The following ZNF469 variants were observed in gnomAD, a reference collection of about 807,000 sequenced individuals.
The protein encoded by ZNF469 is zinc finger protein 469.
In ZNF469, 1 loss-of-function variant was observed where a neutral mutation model predicts 1.0. That is an observed-to-expected ratio of 1.00 (90% CI 0.35 to 4.73). The LOEUF (loss-of-function observed/expected upper bound fraction) is 4.73. ZNF469 is among the 30% of genes most tolerant of loss of function. The pLI, the probability that ZNF469 is intolerant of heterozygous loss-of-function variation, is 0.16. For synonymous variants in ZNF469, 2,703 were observed against 2,363.4 expected (o/e 1.14, Z -4.17); for missense variants, 6,100 against 5,356.3 (o/e 1.14, Z -4.33).
chr16:88,320,466 C>T, the ZNF469 span, among the ~76,000 whole-genome samples: 1 of 152,212 alleles, frequency 6.6e-6, no homozygotes, highest in African/African-American at 2.4e-5. Context: ...TCACTGCAAC[C>T]TCTGCCTCAC....
the ZNF469 span, among the ~76,000 whole-genome samples, chr16:88,335,360 G>A: frequency 6.6e-6 from 1 of 152,242 alleles, no homozygotes; most frequent in Non-Finnish European, 1.5e-5. Flanking sequence ...TCCACATGGT[G>A]TGGATGAGGG....
the ZNF469 span, among the ~76,000 whole-genome samples, chr16:88,370,882 G>C: frequency 4.3e-3 from 648 of 152,346 alleles, 1 homozygote; most frequent in African/African-American, 0.014. Context: ...TTTGCTCATG[G>C]GGGTTACGCT....
the ZNF469 span, among the ~76,000 whole-genome samples, chr16:88,368,025 A>C: frequency 2.2e-4 from 34 of 152,340 alleles, no homozygotes; most frequent in South Asian, 4.2e-4. Flanking sequence ...TCCTCCCTAC[A>C]CAGGATGAGA....
At chr16:88,190,868 A>G in the ZNF469 span, among the ~76,000 whole-genome samples, 2 of 152,138 alleles carry the variant, frequency 1.3e-5, no homozygotes, top group Non-Finnish European at 2.9e-5. Flanking sequence ...AGAACAATAG[A>G]TGTTCATCAT....
the ZNF469 span, among the ~76,000 whole-genome samples, chr16:88,164,430 T>A: frequency 2.6e-5 from 4 of 151,700 alleles, no homozygotes; most frequent in Admixed American, 6.6e-5. Flanking sequence ...TATAAGTGGG[T>A]AAGTGGATGA....
chr16:88,233,315 T>G, the ZNF469 span, among the ~76,000 whole-genome samples: 2 of 152,202 alleles, frequency 1.3e-5, no homozygotes, highest in African/African-American at 4.8e-5. Flanking sequence ...ATCGCCAACC[T>G]TCAGCACTGG....
chr16:88,211,534 G>A, the ZNF469 span, among the ~76,000 whole-genome samples: 1 of 151,946 alleles, frequency 6.6e-6, no homozygotes, highest in Non-Finnish European at 1.5e-5. Context: ...TATAGACCCT[G>A]GGTCCTGTAA....
chr16:88,338,045 C>T, the ZNF469 span, among the ~76,000 whole-genome samples: 5 of 152,204 alleles, frequency 3.3e-5, no homozygotes, highest in South Asian at 2.1e-4. Context: ...GACACATCTA[C>T]GAAAAGTGCT....
At chr16:88,336,204 C>A in the ZNF469 span, among the ~76,000 whole-genome samples, 3 of 149,514 alleles carry the variant, frequency 2.0e-5, no homozygotes, top group Admixed American at 6.7e-5. Flanking sequence ...GAGACACTAA[C>A]ACGCCAATAC....
the ZNF469 span, among the ~76,000 whole-genome samples, chr16:88,289,500 GTGTT>G: frequency 6.5e-4 from 99 of 152,316 alleles, 1 homozygote; most frequent in Non-Finnish European, 1.2e-3. Context: ...GAGTTATTGA[GTGTT>G]TGTTCTCTGT....
At chr16:88,249,659 A>T in the ZNF469 span, among the ~76,000 whole-genome samples, 1 of 151,472 alleles carries the variant, frequency 6.6e-6, no homozygotes, top group Non-Finnish European at 1.5e-5. Flanking sequence ...GATGGTCTCG[A>T]TCTCCTGACC....
chr16:88,131,504 T>C, the ZNF469 span, among the ~76,000 whole-genome samples: 490 of 145,472 alleles, frequency 3.4e-3, no homozygotes, highest in South Asian at 0.012. Flanking sequence ...CTCTCGGCGC[T>C]GCCTTCCCGG....
chr16:88,372,204 CACCATCATCACCATCACCACT>C, the ZNF469 span, among the ~76,000 whole-genome samples: 4 of 151,780 alleles, frequency 2.6e-5, no homozygotes, highest in Admixed American at 1.3e-4. Flanking sequence ...CCATGATTAC[CACCATCATCACCATCACCACT>C]ATCATCACCA....
chr16:88,380,355 G>C (rs111067834), upstream of ZNF469, among the ~76,000 whole-genome samples: 877 of 60,498 alleles, frequency 0.014, 38 homozygotes, highest in Middle Eastern at 0.021. Context: ...ACACACATGC[G>C]CTCACACACA....
chr16:88,168,031 C>A, the ZNF469 span, among the ~76,000 whole-genome samples: 1 of 152,260 alleles, frequency 6.6e-6, no homozygotes, highest in Non-Finnish European at 1.5e-5. This position sits in a 1 kb window ranked among gnomAD's most constrained non-coding sequence, Gnocchi z 4.3. Context: ...CGCGATGAAC[C>A]CCATGGGCGT....
chr16:88,380,482 C>CA (rs1491539190), upstream of ZNF469, among the ~76,000 whole-genome samples: 3 of 136,968 alleles, frequency 2.2e-5, no homozygotes, highest in Non-Finnish European at 4.8e-5. Context: ...CTCACACATA[C>CA]GTGCACACAC....
the ZNF469 span, among the ~76,000 whole-genome samples, chr16:88,226,647 C>T: frequency 6.6e-6 from 1 of 152,020 alleles, no homozygotes; most frequent in Admixed American, 6.5e-5. Flanking sequence ...CTCCAGACAC[C>T]GATGGTGCTG....
the ZNF469 span, among the ~76,000 whole-genome samples, chr16:88,324,758 G>A: frequency 2.6e-5 from 4 of 152,212 alleles, no homozygotes; most frequent in Non-Finnish European, 4.4e-5. Flanking sequence ...TTGCCATTGC[G>A]TTTGTAAACT....
rs1428686371 is a variant in ZNF469 at position 88,388,424 on chromosome 16, G to A, written c.-192+5170G>A. On this transcript the variant is annotated intron_variant, in intron 1 of 2. Transcript: ENST00000565624. ...TACCGGCCGGGCACGGCAGCCGCCT[G>A]CAGAATGTGACCGTTGGGAGCGTCC... Among the ~76,000 whole-genome samples the A allele has an allele frequency of 4.0e-4, 61 of 152,178 alleles. 1 individual carries two copies. The highest frequency in any genetic ancestry group is 4.0e-3 in the Admixed American group (61 of 15,286).
Sources: gnomAD v4.1 joint callset for allele counts (sites outside exome capture counted in the v4.1 genomes callset) on GRCh38, gnomAD v4.1.1 for gene constraint, Gnocchi (gnomAD v3.1) non-coding constraint, MANE v1.5 for transcripts, NCBI Gene and HGNC (gene_info 2026-07-23, HGNC 2026-07-21) for gene names.